The following NOX4 variants were observed in gnomAD, a reference collection of about 807,000 sequenced individuals.
NOX4 encodes the protein kidney oxidase-1.
A neutral mutation model predicts 87.6 loss-of-function variants in NOX4; 69 were observed. That is an observed-to-expected ratio of 0.79 (90% CI 0.65 to 0.96). The LOEUF (loss-of-function observed/expected upper bound fraction) is 0.96, where lower values mean the gene tolerates loss of function less well. Among genes scored for constraint, NOX4 ranks in the 40% least tolerant of loss-of-function variants. The pLI, the probability that NOX4 is intolerant of heterozygous loss-of-function variation, is 0.00. For missense variants in NOX4, 680 were observed against 681.5 expected (o/e 1.00, Z 0.02); for synonymous variants, 275 against 238.2 (o/e 1.15, Z -1.42).
chr11:89,331,540 T>C (rs900840241), intron 17 of NOX4, among the ~76,000 whole-genome samples: 11 of 151,806 alleles, frequency 7.2e-5, no homozygotes, highest in Non-Finnish European at 1.3e-4. Context: ...TAGCTTCCAT[T>C]AAAATGAAAA....
At chr11:89,343,252 G>GA (rs980408552) in intron 13 of NOX4, among the ~76,000 whole-genome samples, 2 of 152,054 alleles carry the variant, frequency 1.3e-5, no homozygotes, top group Non-Finnish European at 2.9e-5. Flanking sequence ...GGATGCTACA[G>GA]AAAAAAAGTG....
At chr11:89,415,371 C>T (rs1317542447) in intron 8 of NOX4, among the ~76,000 whole-genome samples, 2 of 151,808 alleles carry the variant, frequency 1.3e-5, no homozygotes, top group Non-Finnish European at 2.9e-5. Context: ...TTTTATTTTT[C>T]CCACAATGCA....
At chr11:89,402,853 A>G (rs1941956252) in intron 8 of NOX4, among the ~76,000 whole-genome samples, 2 of 152,184 alleles carry the variant, frequency 1.3e-5, no homozygotes, top group Non-Finnish European at 2.9e-5. Context: ...CTTCAAGACT[A>G]TTAGGCATTC....
intron 12 of NOX4, among the ~76,000 whole-genome samples, chr11:89,356,300 T>A (rs1938046296): frequency 6.6e-6 from 1 of 151,544 alleles, no homozygotes; most frequent in African/African-American, 2.4e-5. Context: ...AATAAGTGAA[T>A]GACGGCCAGG....
chr11:89,347,600 C>T (rs1198802192), intron 13 of NOX4, among the ~76,000 whole-genome samples: 1 of 152,184 alleles, frequency 6.6e-6, no homozygotes, highest in African/African-American at 2.4e-5. Context: ...CAGATTGCCA[C>T]TCTCCCTCAA....
intron 11 of NOX4, among the ~76,000 whole-genome samples, chr11:89,395,306 G>A (rs1163328858): frequency 6.6e-6 from 1 of 152,128 alleles, no homozygotes; most frequent in Non-Finnish European, 1.5e-5. Context: ...GTCTTCTTTT[G>A]AGAAGTGTCT....
rs375926549 is a variant in NOX4 at position 89,456,432 on chromosome 11, C to T, written c.154-4537G>A. 3.9e-5 allele frequency among the ~76,000 whole-genome samples: 6 copies of T among 152,096 alleles called. No individual in the cohort carries two copies. The East Asian group carries it at 9.7e-4, about 25-fold the overall frequency. On this transcript the variant is annotated intron_variant, in intron 2 of 17. Transcript: ENST00000263317. The stretch of plus-strand genomic sequence containing the variant: ...ACCCAAGATGGCCGACTAGATACAG[C>T]CAGGAGGAACATCTCACACTGAGAG...
At chr11:89,400,113 C>T (rs769120141) in intron 10 of NOX4, 34 bp from the exon 11 acceptor site, 2 of 1,578,004 alleles carry the variant, frequency 1.3e-6, no homozygotes, top group South Asian at 1.1e-5. Context: ...TTTTAAATGA[C>T]CAATTAAGAA....
chr11:89,410,667 G>A (rs971647982), intron 8 of NOX4, among the ~76,000 whole-genome samples: 20 of 152,222 alleles, frequency 1.3e-4, no homozygotes, highest in Admixed American at 5.9e-4. Context: ...CACAGAGGGA[G>A]CATTTAGACC....
intron 11 of NOX4, among the ~76,000 whole-genome samples, chr11:89,392,938 A>T (rs539668134): frequency 6.6e-6 from 1 of 152,150 alleles, no homozygotes; most frequent in Non-Finnish European, 1.5e-5. Flanking sequence ...GTTCTCACTG[A>T]CATGATCGGT....
chr11:89,571,117 T>C, the NOX4 span, among the ~76,000 whole-genome samples: 3 of 152,216 alleles, frequency 2.0e-5, no homozygotes, highest in Non-Finnish European at 2.9e-5. Flanking sequence ...TCTGGCATAG[T>C]GGCTTTAATT....
the NOX4 span, among the ~76,000 whole-genome samples, chr11:89,525,798 T>C: frequency 6.6e-6 from 1 of 152,088 alleles, no homozygotes; most frequent in Non-Finnish European, 1.5e-5. Context: ...CACCTGAAGG[T>C]TTCAAGAATT....
At chr11:89,575,182 T>TAA in the NOX4 span, among the ~76,000 whole-genome samples, 5 of 142,088 alleles carry the variant, frequency 3.5e-5, no homozygotes, top group Non-Finnish European at 6.2e-5. Context: ...GAACTCCATC[T>TAA]AAAAAAAAAA....
chr11:89,494,124 G>A (rs561596662), upstream of NOX4, among the ~76,000 whole-genome samples: 1 of 152,218 alleles, frequency 6.6e-6, no homozygotes, highest in East Asian at 1.9e-4. Context: ...AAAGTAATGG[G>A]GAGAGAGTTC....
the NOX4 span, among the ~76,000 whole-genome samples, chr11:89,518,694 A>G: frequency 1.3e-5 from 2 of 152,050 alleles, no homozygotes. Flanking sequence ...GGATAATCCA[A>G]TACTGATAGA....
chr11:89,577,964 A>C, the NOX4 span, among the ~76,000 whole-genome samples: 7 of 152,072 alleles, frequency 4.6e-5, no homozygotes, highest in African/African-American at 1.7e-4. Context: ...ATTAATGCAC[A>C]TCTGTCAATT....
chr11:89,501,086 T>A (rs1313500641), upstream of NOX4, among the ~76,000 whole-genome samples: 1 of 152,068 alleles, frequency 6.6e-6, no homozygotes, highest in African/African-American at 2.4e-5. Context: ...GAACAGGATT[T>A]TTTTTAATGT....
rs188610773 is a variant in NOX4 at position 89,348,958 on chromosome 11, G to A, written c.1217+6004C>T. On this transcript the variant is annotated intron_variant, in intron 13 of 17. Transcript: ENST00000263317. Reference sequence around the variant, plus strand: ...ATAATGCATATAAAGCACAATTCCTGGATGTGTAGTGCTCATTATGTGTTA... The same window carrying A: ...ATAATGCATATAAAGCACAATTCCTAGATGTGTAGTGCTCATTATGTGTTA... Among the ~76,000 whole-genome samples the A allele has an allele frequency of 3.3e-5, 5 of 152,214 alleles. No homozygotes were observed. In the East Asian group the frequency reaches 7.7e-4, roughly 24 times the overall value.
the NOX4 span, among the ~76,000 whole-genome samples, chr11:89,563,159 T>C: frequency 1.3e-5 from 2 of 152,232 alleles, no homozygotes; most frequent in South Asian, 2.1e-4. Flanking sequence ...AGTATCTTTG[T>C]AGCAGTGTGA....
Sources: gnomAD v4.1 joint callset for allele counts (sites outside exome capture counted in the v4.1 genomes callset) on GRCh38, gnomAD v4.1.1 for gene constraint, MANE v1.5 for transcripts, NCBI Gene and HGNC (gene_info 2026-07-23, HGNC 2026-07-21) for gene names.